The following NPSR1 variants were observed in gnomAD, a reference collection of about 807,000 sequenced individuals.
The protein encoded by NPSR1 is neuropeptide S receptor 1.
Under a neutral mutation model 46.9 loss-of-function variants are expected in NPSR1, and 48 were observed. The observed-to-expected ratio is 1.02, with a 90% CI of 0.81 to 1.30. NPSR1 has a LOEUF of 1.30. NPSR1 is among the 50% of genes most tolerant of loss of function. The pLI is 0.00. For synonymous variants in NPSR1, 176 were observed against 168.1 expected, an observed-to-expected ratio of 1.05 and a Z score of -0.36; for missense variants, 450 against 449.5, an observed-to-expected ratio of 1.00 and a Z score of -0.01.
intron 3 of NPSR1, among the ~76,000 whole-genome samples, chr7:34,792,907 G>T (rs1788004269): frequency 6.8e-6 from 1 of 147,618 alleles, no homozygotes; most frequent in African/African-American, 2.5e-5. Context: ...AAAAACATAG[G>T]CTGTGTGCAG....
chr7:34,807,366 TTTG>T (rs1184527326), intron 3 of NPSR1, among the ~76,000 whole-genome samples: 1 of 152,180 alleles, frequency 6.6e-6, no homozygotes, highest in East Asian at 1.9e-4. Flanking sequence ...TCTGTATATT[TTTG>T]TTTATTCTTC....
At chr7:34,718,708 C>T (rs2128706287) in intron 2 of NPSR1, among the ~76,000 whole-genome samples, 1 of 151,236 alleles carries the variant, frequency 6.6e-6, no homozygotes, top group South Asian at 2.1e-4. Context: ...TTTGCTGAGC[C>T]TCTGTGTTTG....
chr7:34,696,620 C>A (rs936468269), intron 2 of NPSR1, among the ~76,000 whole-genome samples: 1 of 151,926 alleles, frequency 6.6e-6, no homozygotes, highest in Admixed American at 6.6e-5. Flanking sequence ...AAGAAGAAAT[C>A]ATTGAACTGG....
chr7:34,721,548 A>T (rs1455288097), intron 2 of NPSR1, among the ~76,000 whole-genome samples: 3 of 152,190 alleles, frequency 2.0e-5, no homozygotes, highest in African/African-American at 7.2e-5. Flanking sequence ...CACTTATTTC[A>T]TTCCAACTGC....
At chr7:34,780,310 C>G (rs886349111) in intron 3 of NPSR1, among the ~76,000 whole-genome samples, 87 of 152,250 alleles carry the variant, frequency 5.7e-4, no homozygotes, top group Middle Eastern at 6.8e-3. Context: ...ATTTGATAAC[C>G]TATGGTTTCT....
chr7:34,703,052 G>C (rs539746514), intron 2 of NPSR1, among the ~76,000 whole-genome samples: 26 of 152,292 alleles, frequency 1.7e-4, no homozygotes, highest in Admixed American at 5.2e-4. Flanking sequence ...CCAGCTACTG[G>C]TAATTTGCTT....
intron 2 of NPSR1, among the ~76,000 whole-genome samples, chr7:34,761,981 C>A (rs1786196721): frequency 6.6e-6 from 1 of 152,120 alleles, no homozygotes; most frequent in South Asian, 2.1e-4. Context: ...TGTGGCCCAG[C>A]AATAACCAAC....
At position 34,779,472 on chromosome 7, in the gene NPSR1, T is replaced by G. The variant is rs145974347; in HGVS notation, c.384+907T>G. ...TGCTAGATTCCATTTGTTAGTAGACTCTTTTAGGATCTTTGTATATATATT... is the reference window on the plus strand; with the variant it reads ...TGCTAGATTCCATTTGTTAGTAGACGCTTTTAGGATCTTTGTATATATATT... On this transcript the variant is annotated intron_variant, in intron 3 of 8. Transcript: ENST00000360581. 25 of 535,004 alleles carry G rather than the reference T, an allele frequency of 4.7e-5. No individual in the cohort carries two copies. The East Asian group carries it at 8.5e-4, about 18-fold the overall frequency. The allele number at this position is 535,004 out of a possible 1,614,324, so 33.1% of individuals were successfully genotyped here.
intron 2 of NPSR1, among the ~76,000 whole-genome samples, chr7:34,776,924 G>C (rs1786989405): frequency 6.6e-6 from 1 of 152,156 alleles, no homozygotes; most frequent in Non-Finnish European, 1.5e-5. Context: ...TTGTGACTGT[G>C]CTGGTATCCA....
intron 2 of NPSR1, among the ~76,000 whole-genome samples, chr7:34,716,332 G>T (rs1389092703): frequency 1.3e-5 from 2 of 152,090 alleles, no homozygotes; most frequent in African/African-American, 2.4e-5. Context: ...CACTATACTT[G>T]GTGCCATGGA....
chr7:34,863,618 T>G (rs1242299086), intron 8 of NPSR1, among the ~76,000 whole-genome samples: 2 of 151,750 alleles, frequency 1.3e-5, no homozygotes, highest in Admixed American at 1.3e-4. Flanking sequence ...AACAAACGTA[T>G]GAAAAAAGTT....
chr7:34,783,260 T>G (rs537570864), intron 3 of NPSR1, among the ~76,000 whole-genome samples: 1 of 152,164 alleles, frequency 6.6e-6, no homozygotes, highest in Admixed American at 6.5e-5. Context: ...TCTACAGGGT[T>G]GGGGAGGCCT....
intron 2 of NPSR1, among the ~76,000 whole-genome samples, chr7:34,687,610 G>A (rs112895811): frequency 0.014 from 2,165 of 152,180 alleles, 47 homozygotes; most frequent in African/African-American, 0.05. Context: ...TAGGGAAACC[G>A]CCCTCATGAT....
chr7:34,876,730 C>T (rs1050249352), intron 8 of NPSR1, among the ~76,000 whole-genome samples: 1 of 152,200 alleles, frequency 6.6e-6, no homozygotes. Context: ...CGAGAAGGAC[C>T]TAGGCTGATA....
intron 8 of NPSR1, among the ~76,000 whole-genome samples, chr7:34,872,402 A>G (rs1791478987): frequency 1.3e-5 from 2 of 151,798 alleles, no homozygotes; most frequent in Non-Finnish European, 2.9e-5. Flanking sequence ...CCTTTTTCCC[A>G]TTCTCTCAGG....
intron 2 of NPSR1, among the ~76,000 whole-genome samples, chr7:34,687,061 T>A (rs1792970044): frequency 6.6e-6 from 1 of 151,200 alleles, no homozygotes; most frequent in South Asian, 2.1e-4. Flanking sequence ...TGCCAAAAAA[T>A]TTTAATACTT....
At chr7:34,737,619 C>T (rs1784741112) in intron 2 of NPSR1, among the ~76,000 whole-genome samples, 1 of 152,214 alleles carries the variant, frequency 6.6e-6, no homozygotes, top group Admixed American at 6.5e-5. Context: ...CAACTGGCCA[C>T]TCCCTCTTCT....
At chr7:34,735,567 G>A (rs561939487) in intron 2 of NPSR1, among the ~76,000 whole-genome samples, 1 of 152,350 alleles carries the variant, frequency 6.6e-6, no homozygotes, top group South Asian at 2.1e-4. Context: ...AGCTGAAAAT[G>A]TGAGAGCTAT....
At chr7:34,785,631 G>A (rs1787432582) in intron 3 of NPSR1, among the ~76,000 whole-genome samples, 1 of 152,010 alleles carries the variant, frequency 6.6e-6, no homozygotes, top group Non-Finnish European at 1.5e-5. Flanking sequence ...GTAAATCACT[G>A]ATATCATTAG....
Sources: allele counts gnomAD v4.1 joint callset (sites outside exome capture counted in the v4.1 genomes callset), GRCh38; gene constraint gnomAD v4.1.1; transcripts MANE v1.5; gene names NCBI Gene and HGNC (gene_info 2026-07-23, HGNC 2026-07-21).